The following ANKS1B variants were observed in gnomAD, a reference collection of about 807,000 sequenced individuals.
ANKS1B encodes ankyrin repeat and sterile alpha motif domain containing 1B.
In ANKS1B, 36 loss-of-function variants were observed where a neutral mutation model predicts 148.3. The ratio of observed to expected loss-of-function variants is 0.24; its 90% confidence interval spans 0.19 to 0.32. The LOEUF (loss-of-function observed/expected upper bound fraction) is 0.32. Among genes scored for constraint, ANKS1B ranks in the 10% least tolerant of loss-of-function variants. The probability of loss-of-function intolerance (pLI) is 1.00; values close to 1 mark genes in which losing one functional copy is unlikely to be tolerated. For synonymous variants in ANKS1B, 542 were observed against 560.8 expected (o/e 0.97, Z 0.47); for missense variants, 1,157 against 1,542.6 (o/e 0.75, Z 4.19).
At chr12:98,865,778 G>A (rs2099621269) in intron 17 of ANKS1B, among the ~76,000 whole-genome samples, 1 of 152,056 alleles carries the variant, frequency 6.6e-6, no homozygotes, top group Non-Finnish European at 1.5e-5. Context: ...AATCACTTTG[G>A]GTCAAGGCAA....
At chr12:99,772,307 T>C (rs1433744129) in intron 8 of ANKS1B, among the ~76,000 whole-genome samples, 1 of 152,130 alleles carries the variant, frequency 6.6e-6, no homozygotes, top group Admixed American at 6.6e-5. Context: ...TACTCAACTA[T>C]ATCATCTGTT....
chr12:99,648,574 G>A (rs776239151), intron 9 of ANKS1B: 18 of 1,614,024 alleles, frequency 1.1e-5, no homozygotes, highest in African/African-American at 6.7e-5. Flanking sequence ...CCACAACAGC[G>A]TAAAAAAACA....
intron 8 of ANKS1B, among the ~76,000 whole-genome samples, chr12:99,658,649 A>G (rs992434454): frequency 5.9e-5 from 9 of 152,134 alleles, no homozygotes; most frequent in Admixed American, 6.5e-5. Context: ...TGTGATTTTG[A>G]GCAAATCACA....
intron 8 of ANKS1B, among the ~76,000 whole-genome samples, chr12:99,683,429 G>C (rs942771229): frequency 1.3e-5 from 2 of 151,814 alleles, no homozygotes; most frequent in Non-Finnish European, 2.9e-5. Context: ...ATTAAACCAG[G>C]AAGCAATAGA....
chr12:99,289,216 T>C (rs1179472511), intron 12 of ANKS1B, among the ~76,000 whole-genome samples: 3 of 152,030 alleles, frequency 2.0e-5, no homozygotes. Context: ...AGTAAGAGAA[T>C]ATAACAATTG....
At chr12:98,850,459 A>ATTT (rs59294440) in intron 17 of ANKS1B, among the ~76,000 whole-genome samples, 1,934 of 70,506 alleles carry the variant, frequency 0.027, 500 homozygotes, top group East Asian at 0.091. Context: ...GAAGCATTGC[A>ATTT]TTTTTTTTTT....
intron 9 of ANKS1B, among the ~76,000 whole-genome samples, chr12:99,522,945 G>C (rs2096889696): frequency 6.6e-6 from 1 of 152,150 alleles, no homozygotes; most frequent in Non-Finnish European, 1.5e-5. Flanking sequence ...GGGAGACTTG[G>C]CCTTCTGACT....
At chr12:99,127,844 A>G (rs1483019730) in intron 15 of ANKS1B, among the ~76,000 whole-genome samples, 1 of 152,216 alleles carries the variant, frequency 6.6e-6, no homozygotes, top group Non-Finnish European at 1.5e-5. Context: ...TGCCTCCACA[A>G]ATTAGACTTT....
Position 99,180,092 on chromosome 12 carries a change from G to T in ANKS1B, c.2420-25697C>A, listed in dbSNP as rs139718669. On this transcript the variant is annotated intron_variant, in intron 14 of 26. Coordinates refer to ENST00000683438, the MANE Select transcript of ANKS1B (RefSeq NM_001352186.2). ...TCCTTTCTACCTATAATAATCTGTG[G>T]CTCCCTCATCCTTTTTGCCAATTTC... Among the ~76,000 whole-genome samples the T allele has an allele frequency of 2.4e-3, 363 of 151,932 alleles. 2 individuals are homozygous for T. Among genetic ancestry groups the T allele is most frequent in the African/African-American group, 8.6e-3 (358 of 41,416 alleles).
intron 12 of ANKS1B, 147 bp from the exon 13 acceptor site, chr12:99,247,011 C>G (rs1333614470): frequency 1.4e-5 from 9 of 657,326 alleles, no homozygotes; most frequent in Non-Finnish European, 2.3e-5. Context: ...TACCCCTGAC[C>G]CCACAGTGCC....
At chr12:99,024,195 G>A (rs1248725754) in intron 17 of ANKS1B, among the ~76,000 whole-genome samples, 1 of 151,992 alleles carries the variant, frequency 6.6e-6, no homozygotes, top group East Asian at 1.9e-4. Context: ...ATAAGCAACA[G>A]CACAGTACCA....
rs553948945 is a variant in ANKS1B, at chr12:99,590,501, C to T, written c.1272+64566G>A. On this transcript the variant is annotated intron_variant, in intron 9 of 26. Coordinates refer to ENST00000683438, the MANE Select transcript of ANKS1B (RefSeq NM_001352186.2). ...TCATGTCTGTCCCTTGCATCCACAG[C>T]ATCTACCACAGCGTACAGGATCATA... is the stretch of plus-strand genomic sequence containing the variant. 3.9e-5 allele frequency among the ~76,000 whole-genome samples: 6 copies of T among 152,258 alleles called. No homozygotes were observed. The East Asian group carries it at 1.2e-3, about 29-fold the overall frequency.
In ANKS1B at chr12:99,458,946, A is replaced by G. The variant is rs544021219; in HGVS notation, c.1439-15137T>C. 1.4e-3 allele frequency among the ~76,000 whole-genome samples: 219 copies of G among 152,144 alleles called. 1 individual carries two copies. Among genetic ancestry groups the G allele is most frequent in the South Asian group, 1.4e-3 (7 of 4,830 alleles). On this transcript the variant is annotated intron_variant, in intron 10 of 26. Transcript: ENST00000683438. ...ATCACCATAATACCAAAACCAGGAA[A>G]GGACATAACATAAAAAGAAAACTAC...
At position 98,801,179 on chromosome 12, in the gene ANKS1B, C is replaced by T. The variant is rs2099002279; in HGVS notation, c.3142-54G>A. ...TATGAGCAGTCAGCAAAGTTCATTC[C>T]CTGTAGCTACCCTGAGCTCACCTTA... On this transcript the variant is annotated intron_variant, in intron 20 of 26. Transcript: ENST00000683438. The surrounding 1 kb of genome is among the most constrained non-coding windows in gnomAD (Gnocchi z 5.2). The T allele has an allele frequency of 1.2e-5, 19 of 1,591,294 alleles. No homozygotes were observed. Among genetic ancestry groups the T allele is most frequent in the South Asian group, 9.1e-5 (8 of 87,540 alleles).
rs142845707 is a variant in ANKS1B, at chr12:99,128,024, C to T, written c.2526+26265G>A. On this transcript the variant is annotated intron_variant, in intron 15 of 26. Transcript: ENST00000683438. ...TAAGTTCTTAAACCAGTTGGTTGAACGACCTTGGGCAAGTTGTTTAACTTC... is the reference window on the plus strand; with the variant it reads ...TAAGTTCTTAAACCAGTTGGTTGAATGACCTTGGGCAAGTTGTTTAACTTC... Among the ~76,000 whole-genome samples the T allele has an allele frequency of 4.6e-5, 7 of 152,228 alleles. No individual in the cohort carries two copies. The East Asian group carries it at 7.7e-4, about 17-fold the overall frequency.
intron 8 of ANKS1B, among the ~76,000 whole-genome samples, chr12:99,739,416 A>G (rs959512820): frequency 6.6e-6 from 1 of 151,798 alleles, no homozygotes; most frequent in African/African-American, 2.4e-5. Flanking sequence ...GTCTTTAAAT[A>G]CCATTTGAAG....
chr12:99,504,301 T>G (rs2096684958), intron 10 of ANKS1B, among the ~76,000 whole-genome samples, 175 bp downstream of exon 10: 2 of 152,130 alleles, frequency 1.3e-5, no homozygotes, highest in Admixed American at 1.3e-4. Flanking sequence ...AGACTTCAAA[T>G]AAAAAACCTT....
intron 17 of ANKS1B, among the ~76,000 whole-genome samples, chr12:98,852,017 C>A (rs1365264695): frequency 1.2e-5 from 1 of 82,624 alleles, no homozygotes. Context: ...AGCGAGACTC[C>A]ATCTCAAAAA....
intron 10 of ANKS1B, among the ~76,000 whole-genome samples, chr12:99,457,218 C>T (rs577080078): frequency 6.6e-6 from 1 of 152,006 alleles, no homozygotes; most frequent in African/African-American, 2.4e-5. Context: ...GAATTTGCCA[C>T]TACCAAGCCA....
Sources: gnomAD v4.1 joint callset for allele counts (sites outside exome capture counted in the v4.1 genomes callset) on GRCh38, gnomAD v4.1.1 for gene constraint, Gnocchi (gnomAD v3.1) non-coding constraint, MANE v1.5 for transcripts, NCBI Gene and HGNC (gene_info 2026-07-23, HGNC 2026-07-21) for gene names.